The following FAM222B variants were observed in gnomAD, a reference collection of about 807,000 sequenced individuals.
FAM222B encodes family with sequence similarity 222 member B, also known as protein FAM222B.
FAM222B carries 12 observed loss-of-function variants against 38.0 expected under a neutral mutation model. That is an observed-to-expected ratio of 0.32 (90% CI 0.20 to 0.51). The LOEUF (loss-of-function observed/expected upper bound fraction) is 0.51, where lower values mean the gene tolerates loss of function less well. Among genes scored for constraint, FAM222B ranks in the 20% least tolerant of loss-of-function variants. FAM222B has a pLI of 0.97. For missense variants in FAM222B, 716 were observed against 754.2 expected, an observed-to-expected ratio of 0.95 and a Z score of 0.59; for synonymous variants, 329 against 317.2, an observed-to-expected ratio of 1.04 and a Z score of -0.40.
intron 1 of FAM222B, among the ~76,000 whole-genome samples, chr17:28,826,348 G>C (rs180930601): frequency 1.1e-4 from 17 of 151,666 alleles, no homozygotes; most frequent in African/African-American, 4.1e-4. Context: ...GGGTTTACAG[G>C]CATAAGCCAC....
At chr17:28,768,465 G>A (rs751289616) in intron 1 of FAM222B, among the ~76,000 whole-genome samples, 2 of 152,004 alleles carry the variant, frequency 1.3e-5, no homozygotes, top group African/African-American at 2.4e-5. Context: ...TTCTGGCACA[G>A]CGTCAGTCTT....
intron 2 of FAM222B, among the ~76,000 whole-genome samples, chr17:28,766,188 C>T (rs1025509602): frequency 2.0e-5 from 3 of 152,200 alleles, no homozygotes; most frequent in Non-Finnish European, 4.4e-5. Flanking sequence ...GACACAGTGG[C>T]TCACACCTGT....
intron 1 of FAM222B, among the ~76,000 whole-genome samples, chr17:28,848,363 A>G (rs1042673824): frequency 6.6e-6 from 1 of 152,078 alleles, no homozygotes; most frequent in African/African-American, 2.4e-5. Context: ...ATCCAACCAC[A>G]TGGTCTGAGT....
Position 28,757,742 on chromosome 17 carries a change from A to G in FAM222B, c.*528T>C, listed in dbSNP as rs1394847011. 6.5e-6 allele frequency: 1 copy of G among 153,124 alleles called. No homozygotes were observed. Among genetic ancestry groups the G allele is most frequent in the African/African-American group, 2.4e-5 (1 of 41,442 alleles). 9.5% of individuals were successfully genotyped at this position (153,124 alleles called of 1,614,324 possible). A position where few individuals can be genotyped will look rare whatever the true frequency, so the allele number is the denominator to read the frequency against. ...ACAAAGCCTTGAGGAATGGAAAGGA[A>G]CTTGAAGGATATGAAGACTGGGTCA... On this transcript the variant is annotated 3_prime_UTR_variant, in exon 3 of 3. Coordinates refer to ENST00000581407, the MANE Select transcript of FAM222B (RefSeq NM_001077498.3).
At chr17:28,779,624 G>A (rs999862164) in intron 1 of FAM222B, among the ~76,000 whole-genome samples, 1 of 151,926 alleles carries the variant, frequency 6.6e-6, no homozygotes, top group African/African-American at 2.4e-5. Flanking sequence ...GGTGGCGGGC[G>A]CCTGTAGTCC....
At position 28,759,735 on chromosome 17, in the gene FAM222B, C is replaced by T. The variant is rs1345138259; in HGVS notation, c.224G>A (p.Arg75His). Reference sequence around the variant, plus strand: ...TGTGTCGAGGCCGTTCACAGTACGACGAACGTGTTTCCGCTGGGGAACCTT... The same window carrying T: ...TGTGTCGAGGCCGTTCACAGTACGATGAACGTGTTTCCGCTGGGGAACCTT... Reference protein sequence around the residue: ...SVKVPQRKHVRRTVNGLDTSA... With the variant: ...SVKVPQRKHVHRTVNGLDTSA... The change falls in exon 3 of 3, where the codon CGT becomes CAT. Residue 75 changes from arginine to histidine, a missense_variant. Coordinates refer to ENST00000581407, the MANE Select transcript of FAM222B (RefSeq NM_001077498.3). The surrounding 1 kb of genome is among the most constrained non-coding windows in gnomAD (Gnocchi z 4.8). 5.0e-6 allele frequency: 8 copies of T among 1,613,610 alleles called. No homozygotes were observed. Among genetic ancestry groups the T allele is most frequent in the South Asian group, 2.2e-5 (2 of 90,994 alleles).
chr17:28,831,546 A>C (rs1476714864), intron 1 of FAM222B, among the ~76,000 whole-genome samples: 1 of 129,348 alleles, frequency 7.7e-6, no homozygotes, highest in East Asian at 2.2e-4. Context: ...TCACTCTGTC[A>C]CCCAGGCTGG....
chr17:28,852,125 T>C (rs1420208157), intron 1 of FAM222B, among the ~76,000 whole-genome samples: 1 of 151,870 alleles, frequency 6.6e-6, no homozygotes, highest in East Asian at 1.9e-4. Context: ...CCTAGCACTT[T>C]GGGAGGCCAA....
chr17:28,810,938 G>A (rs1308829556), intron 1 of FAM222B, among the ~76,000 whole-genome samples: 1 of 152,028 alleles, frequency 6.6e-6, no homozygotes, highest in Non-Finnish European at 1.5e-5. Flanking sequence ...AAAAGTGTAA[G>A]ACAGCTCCAG....
chr17:28,813,503 T>G (rs185593629), intron 1 of FAM222B, among the ~76,000 whole-genome samples: 1 of 151,810 alleles, frequency 6.6e-6, no homozygotes, highest in Non-Finnish European at 1.5e-5. Flanking sequence ...AATGTTACTT[T>G]CCTGATTTTG....
intron 1 of FAM222B, among the ~76,000 whole-genome samples, chr17:28,779,728 G>A (rs1255072632): frequency 6.6e-6 from 1 of 151,350 alleles, no homozygotes; most frequent in Non-Finnish European, 1.5e-5. Context: ...TCTGGCCTGG[G>A]CGACAGAGCG....
intron 1 of FAM222B, among the ~76,000 whole-genome samples, chr17:28,777,478 C>T (rs1235655625): frequency 6.6e-6 from 1 of 152,130 alleles, no homozygotes; most frequent in Non-Finnish European, 1.5e-5. Flanking sequence ...TATTCAGGTA[C>T]CAGGGAAGTA....
At chr17:28,811,579 G>A (rs553356710) in intron 1 of FAM222B, among the ~76,000 whole-genome samples, 2 of 152,290 alleles carry the variant, frequency 1.3e-5, no homozygotes, top group South Asian at 4.1e-4. Context: ...TACCAACAGA[G>A]AAAAAGATAA....
At chr17:28,799,024 G>A (rs9894573) in intron 1 of FAM222B, among the ~76,000 whole-genome samples, 27,790 of 149,970 alleles carry the variant, frequency 0.19, 2,630 homozygotes, top group South Asian at 0.29. Flanking sequence ...TGACAGGATG[G>A]AGTGCAGTGG....
At chr17:28,809,653 G>A (rs376514858) in intron 1 of FAM222B, among the ~76,000 whole-genome samples, 10 of 152,134 alleles carry the variant, frequency 6.6e-5, no homozygotes, top group African/African-American at 2.4e-4. Context: ...ATGCAAAACA[G>A]TGATCACACA....
intron 2 of FAM222B, among the ~76,000 whole-genome samples, chr17:28,763,943 G>T (rs182557836): frequency 1.0e-3 from 156 of 152,240 alleles, no homozygotes; most frequent in African/African-American, 3.6e-3. Context: ...AGGTAATTTT[G>T]GCATTTGTCC....
intron 1 of FAM222B, among the ~76,000 whole-genome samples, chr17:28,794,471 C>G (rs1289369667): frequency 6.6e-6 from 1 of 152,074 alleles, no homozygotes; most frequent in Non-Finnish European, 1.5e-5. Context: ...CTGCCCGCCT[C>G]AGCCTCCAAA....
chr17:28,854,860 C>T (rs551671017), intron 1 of FAM222B: 92 of 630,330 alleles, frequency 1.5e-4, no homozygotes, highest in Non-Finnish European at 2.0e-4. Context: ...TACACATTTT[C>T]CCCTTTCCTT....
rs560191893 is a variant in FAM222B, at chr17:28,820,073, T to G, written c.-41+22609A>C. Among the ~76,000 whole-genome samples the G allele has an allele frequency of 1.9e-3, 289 of 152,342 alleles. 3 individuals are homozygous for G. The highest frequency in any genetic ancestry group is 6.3e-3 in the African/African-American group (260 of 41,578). Reference sequence around the variant, plus strand: ...AAGCTAAAAAAACTTCATGTTACTTTGTTCTAAAATTAGCAACACACAGGT... The same window carrying G: ...AAGCTAAAAAAACTTCATGTTACTTGGTTCTAAAATTAGCAACACACAGGT... On this transcript the variant is annotated intron_variant, in intron 1 of 2. Coordinates refer to ENST00000581407, the MANE Select transcript of FAM222B (RefSeq NM_001077498.3).
Sources: allele counts gnomAD v4.1 joint callset (sites outside exome capture counted in the v4.1 genomes callset), GRCh38; gene constraint gnomAD v4.1.1; non-coding constraint Gnocchi (gnomAD v3.1); transcripts MANE v1.5; gene names NCBI Gene and HGNC (gene_info 2026-07-23, HGNC 2026-07-21).